CYP51A1: variants seen among roughly 807,000 people sequenced by gnomAD.
CYP51A1 encodes the protein cytochrome P450 family 51 subfamily A member 1.
A neutral mutation model predicts 53.5 loss-of-function variants in CYP51A1; 45 were observed. That is an observed-to-expected ratio of 0.84 (90% CI 0.66 to 1.08). The LOEUF (loss-of-function observed/expected upper bound fraction) is 1.08. CYP51A1 is among the 50% of genes least tolerant of loss of function. The probability of loss-of-function intolerance (pLI) is 0.00; values close to 1 mark genes in which losing one functional copy is unlikely to be tolerated. For synonymous variants in CYP51A1, 181 were observed against 217.7 expected (o/e 0.83, Z 1.48); for missense variants, 462 against 621.7 (o/e 0.74, Z 2.73).
chr7:92,129,142 T>C, intron 2 of CYP51A1, 86 bp from the exon 3 acceptor site: 2 of 790,168 alleles, frequency 2.5e-6, no homozygotes, highest in Non-Finnish European at 1.9e-6. Flanking sequence ...AAATAATGCA[T>C]TATTAAAAAA....
At chr7:92,122,264 C>T (rs1819708335) in intron 7 of CYP51A1, among the ~76,000 whole-genome samples, 1 of 82,744 alleles carries the variant, frequency 1.2e-5, no homozygotes, top group South Asian at 3.7e-4. Context: ...TGAATTTTTG[C>T]AAATATGTAA....
chr7:92,123,403 A>C lies in CYP51A1; in HGVS notation c.891-88T>G, dbSNP rs1356997196. On this transcript the variant is annotated intron_variant, in intron 6 of 9. Transcript: ENST00000003100. ...TTAAATAAAGTGTCATAATGAATACATTTTTCAGGTATAGTGGTCTCTTAT... is the reference window on the plus strand; with the variant it reads ...TTAAATAAAGTGTCATAATGAATACCTTTTTCAGGTATAGTGGTCTCTTAT... The C allele has an allele frequency of 3.5e-6, 4 of 1,141,350 alleles. No homozygotes were observed. The South Asian group carries it at 5.9e-5, about 17-fold the overall frequency. 70.7% of individuals were successfully genotyped at this position (1,141,350 alleles called of 1,614,324 possible). A position where few individuals can be genotyped will look rare whatever the true frequency, so the allele number is the denominator to read the frequency against.
intron 9 of CYP51A1, among the ~76,000 whole-genome samples, chr7:92,114,463 G>T (rs1819540495): frequency 6.6e-6 from 1 of 152,104 alleles, no homozygotes; most frequent in African/African-American, 2.4e-5. Flanking sequence ...TCAACAAATA[G>T]ATCAATGGAA....
intron 8 of CYP51A1, 30 bp downstream of exon 8, chr7:92,118,490 T>C (rs1563177833): frequency 2.5e-6 from 3 of 1,178,480 alleles, no homozygotes; most frequent in Non-Finnish European, 2.5e-6. Context: ...ACTGGGGGTA[T>C]AGAGGGGAAG....
intron 4 of CYP51A1, 75 bp downstream of exon 4, chr7:92,127,430 A>G: frequency 2.2e-6 from 3 of 1,368,630 alleles, no homozygotes; most frequent in Non-Finnish European, 3.0e-6. Context: ...TTTATATACT[A>G]CACACATATA....
chr7:92,133,755 C>A (rs1204934475), intron 1 of CYP51A1, among the ~76,000 whole-genome samples: 1 of 152,138 alleles, frequency 6.6e-6, no homozygotes, highest in Admixed American at 6.5e-5. Flanking sequence ...ACAGCATCTC[C>A]GTCAGGACCC....
chr7:92,127,894 C>A (rs1819833366), intron 3 of CYP51A1, among the ~76,000 whole-genome samples: 1 of 152,100 alleles, frequency 6.6e-6, no homozygotes. Flanking sequence ...CCCTCATTCC[C>A]CATCACTAGA....
intron 9 of CYP51A1, 99 bp from the exon 10 acceptor site, chr7:92,113,942 A>G (rs778729602): frequency 1.0e-5 from 7 of 674,960 alleles, no homozygotes; most frequent in Non-Finnish European, 1.7e-5. Context: ...CAGCAAATGT[A>G]CAGATAATAT....
chr7:92,126,533 CAA>C (rs973887731), intron 4 of CYP51A1, 106 bp from the exon 5 acceptor site: 7 of 975,464 alleles, frequency 7.2e-6, no homozygotes, highest in Non-Finnish European at 1.0e-5. Context: ...TTCATATCAT[CAA>C]AAAAAGTCTG....
chr7:92,124,289 C>T (rs1323230069), intron 5 of CYP51A1, among the ~76,000 whole-genome samples: 1 of 152,210 alleles, frequency 6.6e-6, no homozygotes, highest in Admixed American at 6.5e-5. Flanking sequence ...CTACTTTTCA[C>T]TTTCTAATAC....
chr7:92,125,876 G>T (rs559974856), intron 5 of CYP51A1, among the ~76,000 whole-genome samples: 4 of 152,190 alleles, frequency 2.6e-5, no homozygotes, highest in African/African-American at 7.2e-5. Context: ...CGTGCCTGTA[G>T]TCCCAGCTCT....
At chr7:92,123,611 A>C in intron 6 of CYP51A1, 123 bp downstream of exon 6, 1 of 957,212 alleles carries the variant, frequency 1.0e-6, no homozygotes, top group Non-Finnish European at 1.5e-6. Context: ...TAAAGAGTCC[A>C]AAGATCACAG....
intron 2 of CYP51A1, among the ~76,000 whole-genome samples, chr7:92,131,480 T>C (rs1021914013): frequency 6.6e-6 from 1 of 152,188 alleles, no homozygotes; most frequent in Non-Finnish European, 1.5e-5. Flanking sequence ...TCAATTTTAA[T>C]GACAATAAGT....
chr7:92,128,108 A>G (rs907551454), intron 3 of CYP51A1, among the ~76,000 whole-genome samples: 2 of 152,226 alleles, frequency 1.3e-5, no homozygotes, highest in African/African-American at 4.8e-5. Flanking sequence ...GCATTAAAAG[A>G]GGACTTCTGA....
intron 9 of CYP51A1, among the ~76,000 whole-genome samples, chr7:92,115,156 TAAAC>T (rs1003657812): frequency 6.6e-6 from 1 of 152,084 alleles, no homozygotes; most frequent in Non-Finnish European, 1.5e-5. Flanking sequence ...CCAACATAAA[TAAAC>T]AGCACAATTA....
chr7:92,123,857 T>C lies in CYP51A1; in HGVS notation c.771-4A>G, dbSNP rs1819742535. 2 of 1,573,542 alleles carry C rather than the reference T, an allele frequency of 1.3e-6. No homozygotes were observed. The highest frequency in any genetic ancestry group is 1.2e-5 in the South Asian group (1 of 84,334). ...CCGATGAGCTCTGTCCCTGCGTCTG[T>C]AATTAAAAGATAAAGATGATTTTCT... On this transcript the variant is annotated splice_polypyrimidine_tract_variant and splice_region_variant and intron_variant, in intron 5 of 9. Transcript: ENST00000003100.
chr7:92,134,710 T>G, upstream of CYP51A1: 1 of 260,358 alleles, frequency 3.8e-6, no homozygotes, highest in Admixed American at 5.2e-5. Flanking sequence ...GACCCGTTTT[T>G]TGTGTGCCCG....
intron 6 of CYP51A1, 109 bp from the exon 7 acceptor site, chr7:92,123,424 CTT>C: frequency 3.0e-6 from 3 of 984,254 alleles, no homozygotes; most frequent in Non-Finnish European, 4.6e-6. Flanking sequence ...ATAGTGGTCT[CTT>C]ATATTTGACT....
chr7:92,134,375 G>A lies in CYP51A1; in HGVS notation c.-11C>T. 1.3e-6 allele frequency: 2 copies of A among 1,566,510 alleles called. No homozygotes were observed. The highest frequency in any genetic ancestry group is 1.2e-5 in the South Asian group (1 of 86,172). On this transcript the variant is annotated 5_prime_UTR_variant, in exon 1 of 10. Coordinates refer to ENST00000003100, the MANE Select transcript of CYP51A1 (RefSeq NM_000786.4). ...AGCCGCCGCCGCCATTCACTCCGTCGGAAACACTGAAGGCCGAGGTCGCCA... is the reference window on the plus strand; with the variant it reads ...AGCCGCCGCCGCCATTCACTCCGTCAGAAACACTGAAGGCCGAGGTCGCCA...
Sources: allele counts gnomAD v4.1 joint callset (sites outside exome capture counted in the v4.1 genomes callset), GRCh38; gene constraint gnomAD v4.1.1; transcripts MANE v1.5; gene names NCBI Gene and HGNC (gene_info 2026-07-23, HGNC 2026-07-21).